TFB1M: variants seen among roughly 807,000 people sequenced by gnomAD.
TFB1M encodes the protein transcription factor B1, mitochondrial, also known as dimethyladenosine transferase 1, mitochondrial.
A neutral mutation model predicts 31.1 loss-of-function variants in TFB1M; 27 were observed. The observed-to-expected ratio is 0.87, with a 90% CI of 0.64 to 1.20. The LOEUF is 1.20. Ranked by LOEUF, TFB1M falls within the 50% of genes most tolerant of loss-of-function variation. The probability of loss-of-function intolerance (pLI) is 0.00; values close to 1 mark genes in which losing one functional copy is unlikely to be tolerated. For synonymous variants in TFB1M, 166 were observed against 151.8 expected, an observed-to-expected ratio of 1.09 and a Z score of -0.69; for missense variants, 394 against 418.7, an observed-to-expected ratio of 0.94 and a Z score of 0.51.
chr6:155,240,252 ACT>A, the TFB1M span, among the ~76,000 whole-genome samples: 1 of 152,284 alleles, frequency 6.6e-6, no homozygotes, highest in South Asian at 2.1e-4. Flanking sequence ...CTAGGCAATG[ACT>A]CTGTAATTTC....
chr6:155,256,855 G>C lies in TFB1M; in HGVS notation c.*981C>G. 1.2e-6 allele frequency: 2 copies of C among 1,614,230 alleles called. No homozygotes were observed. The highest frequency in any genetic ancestry group is 1.7e-6 in the Non-Finnish European group (2 of 1,180,044). On this transcript the variant is annotated 3_prime_UTR_variant, in exon 7 of 7. Coordinates refer to ENST00000367166, the MANE Select transcript of TFB1M (RefSeq NM_016020.4). ...CGAGGCTGAGCAGCAGCCTGGCCCG[G>C]AGTCGGGTGAGGGTCAGAAAGGAGG...
chr6:155,234,195 C>T, the TFB1M span, among the ~76,000 whole-genome samples: 2 of 152,096 alleles, frequency 1.3e-5, no homozygotes, highest in Admixed American at 6.6e-5. Flanking sequence ...CAATCTGAGG[C>T]CCCCATTTCA....
In TFB1M at chr6:155,256,770, T is replaced by TAAAG. The variant is rs1784068011; in HGVS notation, c.*1062_*1065dup. ...AGACTGTGAAGCAGGGCAGCCCTAC[T>TAAAG]AAAGACATCGAAATTCAGTTCCAGA... On this transcript the variant is annotated 3_prime_UTR_variant, in exon 7 of 7. Transcript: ENST00000367166. 2 of 1,614,056 alleles carry TAAAG rather than the reference T, an allele frequency of 1.2e-6. No individual in the cohort carries two copies. Among genetic ancestry groups the TAAAG allele is most frequent in the Non-Finnish European group, 1.7e-6 (2 of 1,180,044 alleles).
chr6:155,231,961 A>G, the TFB1M span, among the ~76,000 whole-genome samples: 67 of 152,120 alleles, frequency 4.4e-4, no homozygotes, highest in African/African-American at 1.6e-3. Context: ...CGCACCTGTA[A>G]TCCCAGCTAC....
chr6:155,295,879 C>T (rs893087053), intron 4 of TFB1M, among the ~76,000 whole-genome samples: 2 of 152,086 alleles, frequency 1.3e-5, no homozygotes, highest in African/African-American at 4.8e-5. Context: ...GGATGATATG[C>T]ACAGGTTATA....
At position 155,256,898 on chromosome 6, in the gene TFB1M, T is replaced by C. The variant is rs746865523; in HGVS notation, c.*938A>G. 22 of 1,614,102 alleles carry C rather than the reference T, an allele frequency of 1.4e-5. No individual in the cohort carries two copies. In the South Asian group the frequency reaches 1.6e-4, roughly 12 times the overall value. ...AAAGGAGGAGAGCAGCCCAAACTGG[T>C]CCGGGGGCACTTCTGCCCCATTAAA... On this transcript the variant is annotated 3_prime_UTR_variant, in exon 7 of 7. Transcript: ENST00000367166.
intron 2 of TFB1M, chr6:155,299,685 G>A (rs1777340698): frequency 6.6e-6 from 1 of 152,134 alleles, no homozygotes; most frequent in African/African-American, 2.4e-5. Context: ...AGGCTCAAAG[G>A]GAACATTTGC....
In TFB1M at chr6:155,286,339, C is replaced by T. The variant is rs115347364; in HGVS notation, c.547-1062G>A. Among the ~76,000 whole-genome samples, 1,098 of 151,384 alleles carry T rather than the reference C, an allele frequency of 7.3e-3. 20 individuals are homozygous for T. Among genetic ancestry groups the T allele is most frequent in the African/African-American group, 0.026 (1,054 of 41,308 alleles). On this transcript the variant is annotated intron_variant, in intron 4 of 6. Coordinates refer to ENST00000367166, the MANE Select transcript of TFB1M (RefSeq NM_016020.4). ...GAAGAATTTCCTAAAGATGTAAAAG[C>T]AGAGCTATATAAGAAAAGACAGACA...
intron 5 of TFB1M, among the ~76,000 whole-genome samples, chr6:155,276,726 T>C (rs1209343347): frequency 6.6e-6 from 1 of 152,238 alleles, no homozygotes; most frequent in East Asian, 1.9e-4. Flanking sequence ...CTGCCAAGTA[T>C]AAAAAGTACC....
At chr6:155,241,775 G>C in the TFB1M span, among the ~76,000 whole-genome samples, 1 of 152,172 alleles carries the variant, frequency 6.6e-6, no homozygotes, top group Non-Finnish European at 1.5e-5. Context: ...AGGGTGTGGA[G>C]ATGAAGTGAA....
At chr6:155,244,833 G>T in the TFB1M span, 1 of 1,542,006 alleles carries the variant, frequency 6.5e-7, no homozygotes. Flanking sequence ...GCTATGGTAC[G>T]TATTTCTCTC....
intron 4 of TFB1M, among the ~76,000 whole-genome samples, chr6:155,287,662 T>C (rs370500127): frequency 6.6e-6 from 1 of 151,726 alleles, no homozygotes; most frequent in Admixed American, 6.6e-5. Context: ...GTACAACTCA[T>C]AGAAGGGAAA....
chr6:155,311,276 G>A lies in TFB1M; in HGVS notation c.197C>T (p.Pro66Leu). ...NAYVYEVGPG[P>L]GGITRSILNA... is the part of the protein sequence containing the mutation. Reference sequence around the variant, plus strand: ...AAGAATAGATCTTGTGATTCCCCCTGGCCCAGGGCCCACTTCGTAAACATA... The same window carrying A: ...AAGAATAGATCTTGTGATTCCCCCTAGCCCAGGGCCCACTTCGTAAACATA... The change falls in exon 2 of 7, where the codon CCA becomes CTA. Residue 66 changes from proline (P) to leucine (L), a missense_variant. By Grantham distance (98) the Pro-to-Leu change is moderately conservative. This residue lies in a region of TFB1M where 273 missense variants were observed against 256.4 expected (regional missense o/e 1.06). Coordinates refer to ENST00000367166, the MANE Select transcript of TFB1M (RefSeq NM_016020.4). 1 of 1,613,834 alleles carries A rather than the reference G, an allele frequency of 6.2e-7. No homozygotes were observed. Among genetic ancestry groups the A allele is most frequent in the Non-Finnish European group, 8.5e-7 (1 of 1,179,796 alleles).
downstream of TFB1M, among the ~76,000 whole-genome samples, chr6:155,252,254 T>C (rs1220866530): frequency 6.6e-6 from 1 of 152,100 alleles, no homozygotes; most frequent in Non-Finnish European, 1.5e-5. Flanking sequence ...AGGCTGAGGC[T>C]TGAGCCCAGG....
intron 2 of TFB1M, among the ~76,000 whole-genome samples, chr6:155,309,676 A>G (rs1483070466): frequency 6.6e-6 from 1 of 152,206 alleles, no homozygotes; most frequent in African/African-American, 2.4e-5. Flanking sequence ...TTTAAGAGCA[A>G]AAAAGTCAGG....
At chr6:155,272,457 C>A (rs907285332) in intron 5 of TFB1M, among the ~76,000 whole-genome samples, 15 of 151,896 alleles carry the variant, frequency 9.9e-5, no homozygotes, top group Non-Finnish European at 7.4e-5. Flanking sequence ...TCACTGTAGA[C>A]CATGTAAGTG....
At position 155,257,960 on chromosome 6, in the gene TFB1M, A is replaced by ACAT. The variant is rs757835752; in HGVS notation, c.914_916dup (p.Asp305dup). ...GTCTTCATCACACATTTTTCTGTATACATCACAGAGGCTCTTAAAGTGTGA... is the reference window on the plus strand; with the variant it reads ...GTCTTCATCACACATTTTTCTGTATACATCATCACAGAGGCTCTTAAAGTGTGA... On this transcript the variant is annotated inframe_insertion, in exon 7 of 7. Coordinates refer to ENST00000367166, the MANE Select transcript of TFB1M (RefSeq NM_016020.4). The ACAT allele has an allele frequency of 1.2e-6, 2 of 1,614,236 alleles. No homozygotes were observed. Among genetic ancestry groups the ACAT allele is most frequent in the African/African-American group, 2.7e-5 (2 of 75,054 alleles).
At chr6:155,286,969 A>C (rs1776688238) in intron 4 of TFB1M, among the ~76,000 whole-genome samples, 1 of 152,158 alleles carries the variant, frequency 6.6e-6, no homozygotes, top group South Asian at 2.1e-4. Context: ...AATAATCATA[A>C]GATAAATAGC....
At chr6:155,282,104 A>T (rs929810940) in intron 5 of TFB1M, among the ~76,000 whole-genome samples, 8 of 152,218 alleles carry the variant, frequency 5.3e-5, no homozygotes, top group Non-Finnish European at 1.2e-4. Flanking sequence ...ACACAAAATT[A>T]AAAAAATTCT....
Sources: gnomAD v4.1 joint callset for allele counts (sites outside exome capture counted in the v4.1 genomes callset) on GRCh38, gnomAD v4.1.1 for gene constraint, gnomAD v4.1.1 regional missense constraint, MANE v1.5 for transcripts, NCBI Gene and HGNC (gene_info 2026-07-23, HGNC 2026-07-21) for gene names.